TENM3: variants seen among roughly 807,000 people sequenced by gnomAD.
TENM3 encodes teneurin-3.
In TENM3, 63 loss-of-function variants were observed where a neutral mutation model predicts 255.1. That is an observed-to-expected ratio of 0.25 (90% confidence interval 0.20 to 0.30). The LOEUF (loss-of-function observed/expected upper bound fraction) is 0.30, where lower values mean the gene tolerates loss of function less well. Ranked by LOEUF, TENM3 falls within the 10% of genes least tolerant of loss-of-function variation. TENM3 has a pLI of 1.00. For missense variants in TENM3, 2,929 were observed against 3,461.1 expected (o/e 0.85, Z 3.86); for synonymous variants, 1,306 against 1,322.3 (o/e 0.99, Z 0.27).
the TENM3 span, among the ~76,000 whole-genome samples, chr4:181,793,480 A>G: frequency 1.3e-5 from 2 of 152,320 alleles, no homozygotes; most frequent in Non-Finnish European, 2.9e-5. Flanking sequence ...GTCTCGCAGG[A>G]CAAGTGCATT....
intron 1 of TENM3, among the ~76,000 whole-genome samples, chr4:182,233,600 T>A (rs771947422): frequency 2.6e-5 from 4 of 152,242 alleles, no homozygotes; most frequent in Non-Finnish European, 4.4e-5. Context: ...AAGTTTGGAT[T>A]CTTTCTCTAG....
rs1745921233 is a variant in TENM3 at position 182,585,453 on chromosome 4, G to A, written c.512-15471G>A. On this transcript the variant is annotated intron_variant, in intron 3 of 27. Transcript: ENST00000511685. ...AACGAGGTCATCAGGGTGTAGCCCT[G>A]ATCCTGCCGCATTAGCATCCTTATA... Among the ~76,000 whole-genome samples the A allele has an allele frequency of 1.3e-5, 2 of 152,126 alleles. 1 individual carries two copies. Among genetic ancestry groups the A allele is most frequent in the South Asian group, 4.2e-4 (2 of 4,818 alleles).
At chr4:182,171,265 A>T (rs2149694482) in intron 1 of TENM3, among the ~76,000 whole-genome samples, 1 of 152,296 alleles carries the variant, frequency 6.6e-6, no homozygotes, top group East Asian at 1.9e-4. Flanking sequence ...GAGTTACTAG[A>T]TACTGTTATA....
chr4:182,635,546 TAACTC>T (rs547883863), intron 5 of TENM3, among the ~76,000 whole-genome samples: 28 of 152,268 alleles, frequency 1.8e-4, no homozygotes, highest in African/African-American at 6.7e-4. Flanking sequence ...TGAAAACAAA[TAACTC>T]AGCTTTGTTT....
At chr4:182,341,536 T>C (rs1878220) in intron 2 of TENM3, among the ~76,000 whole-genome samples, 148,740 of 152,342 alleles carry the variant, frequency 0.98, 72,625 homozygotes, top group African/African-American at 0.99. Flanking sequence ...TCCAACTCAT[T>C]CTTTATGCTA....
At chr4:181,560,114 G>A in the TENM3 span, among the ~76,000 whole-genome samples, 2 of 152,200 alleles carry the variant, frequency 1.3e-5, no homozygotes, top group African/African-American at 4.8e-5. Flanking sequence ...ATTTCTCGTG[G>A]TCTTGGAGGC....
chr4:182,075,105 G>A, the TENM3 span, among the ~76,000 whole-genome samples: 1 of 141,280 alleles, frequency 7.1e-6, no homozygotes. Context: ...GCAAGAAGCA[G>A]GCCCAGTACT....
the TENM3 span, among the ~76,000 whole-genome samples, chr4:181,901,472 A>G: frequency 2.6e-5 from 4 of 152,326 alleles, no homozygotes; most frequent in Admixed American, 1.3e-4. Flanking sequence ...AGTGTTGGCC[A>G]AAACAGTTGT....
At chr4:182,471,323 C>T (rs1733101680) in intron 3 of TENM3, among the ~76,000 whole-genome samples, 1 of 152,130 alleles carries the variant, frequency 6.6e-6, no homozygotes, top group Admixed American at 6.5e-5. Context: ...GACATGGATG[C>T]AGTCTAAGAA....
At chr4:182,761,147 G>A (rs1052937971) in intron 22 of TENM3, among the ~76,000 whole-genome samples, 4 of 152,080 alleles carry the variant, frequency 2.6e-5, no homozygotes, top group African/African-American at 7.2e-5. Context: ...GGCTGGGCAC[G>A]GCGGCTCACA....
At position 182,284,755 on chromosome 4, in the gene TENM3, A is replaced by C. The variant is rs78359303; in HGVS notation, c.-75-39191A>C. Among the ~76,000 whole-genome samples the C allele has an allele frequency of 8.9e-3, 1,357 of 152,330 alleles. 12 individuals carry two copies. Among genetic ancestry groups the C allele is most frequent in the African/African-American group, 0.023 (946 of 41,574 alleles). ...ACATTGTCTTTACACTGAGTAGAAC[A>C]GATGAGATTGTGAATTATTCAGAAC... On this transcript the variant is annotated intron_variant, in intron 1 of 27. Transcript: ENST00000511685.
At chr4:182,246,256 T>C (rs1016699502) in intron 1 of TENM3, among the ~76,000 whole-genome samples, 31 of 152,106 alleles carry the variant, frequency 2.0e-4, no homozygotes, top group African/African-American at 7.5e-4. Flanking sequence ...CCCCAAGGCA[T>C]AGGGGAAGAA....
intron 12 of TENM3, among the ~76,000 whole-genome samples, chr4:182,701,555 G>A (rs1038102844): frequency 2.1e-4 from 32 of 152,034 alleles, no homozygotes; most frequent in African/African-American, 6.3e-4. Flanking sequence ...CCCCAGTAGT[G>A]ATTATGTATG....
At chr4:182,492,836 T>C (rs1368655564) in intron 3 of TENM3, among the ~76,000 whole-genome samples, 3 of 152,146 alleles carry the variant, frequency 2.0e-5, no homozygotes, top group Admixed American at 6.6e-5. Context: ...CTTGATAGGA[T>C]TTAAATACCC....
intron 1 of TENM3, among the ~76,000 whole-genome samples, chr4:182,270,903 A>C (rs527365394): frequency 6.6e-5 from 10 of 152,102 alleles, no homozygotes; most frequent in Non-Finnish European, 1.5e-4. Flanking sequence ...AAATCGCATT[A>C]TCCCTACATT....
the TENM3 span, among the ~76,000 whole-genome samples, chr4:182,002,436 C>T: frequency 3.3e-5 from 5 of 152,006 alleles, no homozygotes; most frequent in African/African-American, 9.7e-5. Flanking sequence ...CTAACCTTTC[C>T]TCAGACTCTT....
chr4:182,497,847 C>T (rs969749402), intron 3 of TENM3, among the ~76,000 whole-genome samples: 23 of 135,626 alleles, frequency 1.7e-4, no homozygotes, highest in Middle Eastern at 3.8e-3. Context: ...ACTAAAAATA[C>T]ATATATATAT....
Position 182,303,529 on chromosome 4 carries a change from T to C in TENM3, c.-75-20417T>C, listed in dbSNP as rs1580088792. ...TGTATCCAATGCAACTGTGTATACC[T>C]GCCCTGATAGTCAACGCGCTGTCAT... On this transcript the variant is annotated intron_variant, in intron 1 of 27. Transcript: ENST00000511685. Among the ~76,000 whole-genome samples the C allele has an allele frequency of 2.6e-5, 4 of 152,228 alleles. No individual in the cohort carries two copies. In the East Asian group the frequency reaches 7.7e-4, roughly 29 times the overall value.
At chr4:181,545,426 C>G in the TENM3 span, among the ~76,000 whole-genome samples, 1 of 151,906 alleles carries the variant, frequency 6.6e-6, no homozygotes, top group Non-Finnish European at 1.5e-5. Context: ...CAAGAAGTAA[C>G]GGAAAGAAAA....
Sources: gnomAD v4.1 joint callset for allele counts (sites outside exome capture counted in the v4.1 genomes callset) on GRCh38, gnomAD v4.1.1 for gene constraint, MANE v1.5 for transcripts, NCBI Gene and HGNC (gene_info 2026-07-23, HGNC 2026-07-21) for gene names.